Variants in AFF3 observed in about 807,000 individuals in gnomAD.
AFF3 encodes the protein AF4/FMR2 family member 3.
A neutral mutation model predicts 129.7 loss-of-function variants in AFF3; 32 were observed. That is an observed-to-expected ratio of 0.25 (90% CI 0.19 to 0.33). The LOEUF (loss-of-function observed/expected upper bound fraction) is 0.33, where lower values mean the gene tolerates loss of function less well. AFF3 is among the 10% of genes least tolerant of loss of function. The probability of loss-of-function intolerance (pLI) is 1.00; values close to 1 mark genes in which losing one functional copy is unlikely to be tolerated. For missense variants in AFF3, 1,373 were observed against 1,592.0 expected (o/e 0.86, Z 2.34); for synonymous variants, 644 against 635.4 (o/e 1.01, Z -0.20).
At chr2:99,926,835 T>C (rs1232380341) in intron 7 of AFF3, among the ~76,000 whole-genome samples, 2 of 152,162 alleles carry the variant, frequency 1.3e-5, no homozygotes, top group Non-Finnish European at 2.9e-5. Context: ...CCTCCACTTA[T>C]GTTAACAGAT....
At chr2:99,655,165 C>T (rs1685630408) in intron 12 of AFF3, among the ~76,000 whole-genome samples, 1 of 150,590 alleles carries the variant, frequency 6.6e-6, no homozygotes, top group Non-Finnish European at 1.5e-5. Context: ...AAGCAAAGCC[C>T]TTGCAATATT....
chr2:100,105,157 C>T (rs1381042916), intron 3 of AFF3: 2 of 282,982 alleles, frequency 7.1e-6, no homozygotes, highest in Admixed American at 6.5e-5. Context: ...CGCCCGCCCG[C>T]GCCCGGCCCC....
intron 11 of AFF3, among the ~76,000 whole-genome samples, chr2:99,702,777 G>A (rs1458134268): frequency 6.6e-6 from 1 of 152,172 alleles, no homozygotes; most frequent in African/African-American, 2.4e-5. Flanking sequence ...TTAATGCTAA[G>A]GTCTGGGAGT....
chr2:99,556,173 G>A (rs1674897639), intron 22 of AFF3, among the ~76,000 whole-genome samples: 1 of 152,246 alleles, frequency 6.6e-6, no homozygotes, highest in Non-Finnish European at 1.5e-5. Context: ...GAAGAAGGCA[G>A]TGACTCACGC....
At chr2:99,594,568 C>T (rs1679099612) in intron 14 of AFF3, among the ~76,000 whole-genome samples, 1 of 152,100 alleles carries the variant, frequency 6.6e-6, no homozygotes, top group African/African-American at 2.4e-5. Context: ...TCATTAGAAC[C>T]CATTTCCTAG....
intron 7 of AFF3, among the ~76,000 whole-genome samples, chr2:99,920,016 G>A (rs1451935368): frequency 2.0e-5 from 3 of 152,006 alleles, no homozygotes; most frequent in African/African-American, 7.2e-5. Context: ...AAAGGACACA[G>A]AAAGATATAG....
intron 1 of AFF3, among the ~76,000 whole-genome samples, chr2:100,132,594 T>C (rs1692467570): frequency 6.6e-6 from 1 of 152,168 alleles, no homozygotes; most frequent in Non-Finnish European, 1.5e-5. Flanking sequence ...TCCTCAGCTT[T>C]AGTTGAAAAT....
At chr2:99,924,029 C>T (rs1237513518) in intron 7 of AFF3, among the ~76,000 whole-genome samples, 4 of 151,992 alleles carry the variant, frequency 2.6e-5, no homozygotes, top group Non-Finnish European at 4.4e-5. Context: ...GGGAGTGAAC[C>T]TTCCTATGAA....
chr2:99,776,936 C>A (rs77926892), intron 8 of AFF3, among the ~76,000 whole-genome samples: 1 of 152,212 alleles, frequency 6.6e-6, no homozygotes, highest in East Asian at 1.9e-4. Flanking sequence ...GGCACTGGGC[C>A]GAGCATGTCA....
At chr2:99,926,726 A>C (rs1054229028) in intron 7 of AFF3, among the ~76,000 whole-genome samples, 2 of 152,154 alleles carry the variant, frequency 1.3e-5, no homozygotes, top group Admixed American at 1.3e-4. Flanking sequence ...CAGAGGATTA[A>C]GTATGGTCTG....
chr2:99,588,386 C>G (rs965034558), intron 15 of AFF3, among the ~76,000 whole-genome samples: 3 of 152,256 alleles, frequency 2.0e-5, no homozygotes, highest in African/African-American at 7.2e-5. Context: ...CCATGTTGCT[C>G]AGGCTGATCT....
chr2:99,952,012 A>G (rs1436009115), intron 7 of AFF3, among the ~76,000 whole-genome samples: 3 of 152,224 alleles, frequency 2.0e-5, no homozygotes, highest in African/African-American at 7.2e-5. Context: ...TTGCTTAGAG[A>G]GCAAGAGGTA....
chr2:99,890,791 T>C (rs558753342), intron 7 of AFF3, among the ~76,000 whole-genome samples: 91 of 152,226 alleles, frequency 6.0e-4, no homozygotes, highest in African/African-American at 2.1e-3. Flanking sequence ...AGCCTGTCAG[T>C]TGCACCCTCC....
chr2:99,848,896 C>T (rs748051469), intron 7 of AFF3, among the ~76,000 whole-genome samples: 1 of 152,066 alleles, frequency 6.6e-6, no homozygotes, highest in Non-Finnish European at 1.5e-5. Flanking sequence ...GAAACTACTT[C>T]CATTAGGCTA....
At chr2:99,693,480 T>C (rs998666374) in intron 11 of AFF3, among the ~76,000 whole-genome samples, 2 of 152,148 alleles carry the variant, frequency 1.3e-5, no homozygotes, top group South Asian at 2.1e-4. Flanking sequence ...TTAAATTTTT[T>C]TCTATTAAAG....
intron 13 of AFF3, among the ~76,000 whole-genome samples, chr2:99,606,298 A>G (rs61146450): frequency 0.03 from 4,514 of 152,256 alleles, 217 homozygotes; most frequent in African/African-American, 0.1. Context: ...TTTTCCTGAA[A>G]TGATAACACG....
At chr2:99,617,937 CCT>C (rs1290705633) in intron 13 of AFF3, among the ~76,000 whole-genome samples, 1 of 152,016 alleles carries the variant, frequency 6.6e-6, no homozygotes, top group Admixed American at 6.6e-5. Flanking sequence ...CTAATACTAC[CCT>C]GTGTTCTCTC....
chr2:100,042,363 C>G (rs1359460411), intron 4 of AFF3, among the ~76,000 whole-genome samples: 1 of 152,178 alleles, frequency 6.6e-6, no homozygotes, highest in East Asian at 1.9e-4. Flanking sequence ...ATATTCCAAT[C>G]TGAAATATAT....
At chr2:99,603,544 G>A (rs59396573) in intron 13 of AFF3, among the ~76,000 whole-genome samples, 5,607 of 152,212 alleles carry the variant, frequency 0.037, 126 homozygotes, top group East Asian at 0.048. Context: ...GACAACCTAG[G>A]CAATACCATT....
Sources: gnomAD v4.1 joint callset for allele counts (sites outside exome capture counted in the v4.1 genomes callset) on GRCh38, gnomAD v4.1.1 for gene constraint, MANE v1.5 for transcripts, NCBI Gene and HGNC (gene_info 2026-07-23, HGNC 2026-07-21) for gene names.